Variants in CAMK1D observed in about 807,000 individuals in gnomAD.
CAMK1D encodes the protein calcium/calmodulin dependent protein kinase ID, also known as calcium/calmodulin-dependent protein kinase type 1D.
CAMK1D carries 9 observed loss-of-function variants against 47.7 expected under a neutral mutation model. The observed-to-expected ratio is 0.19, with a 90% CI of 0.11 to 0.33. CAMK1D has a LOEUF of 0.33. CAMK1D is among the 10% of genes least tolerant of loss of function. CAMK1D has a pLI of 1.00. For synonymous variants in CAMK1D, 184 were observed against 184.9 expected (o/e 0.99, Z 0.04); for missense variants, 291 against 488.7 (o/e 0.60, Z 3.81).
intron 4 of CAMK1D, 135 bp downstream of exon 4, chr10:12,761,221 A>C: frequency 9.4e-7 from 1 of 1,064,418 alleles, no homozygotes; most frequent in Non-Finnish European, 1.3e-6. Context: ...GCATTTGTGT[A>C]CTTTGAGTTG....
chr10:12,806,886 G>A (rs1306656184), intron 6 of CAMK1D, among the ~76,000 whole-genome samples: 3 of 151,996 alleles, frequency 2.0e-5, no homozygotes, highest in Non-Finnish European at 4.4e-5. Context: ...GGGACTTTGG[G>A]GCTGTGGCGG....
intron 1 of CAMK1D, among the ~76,000 whole-genome samples, chr10:12,494,522 A>AT (rs1308492355): frequency 6.6e-6 from 1 of 152,074 alleles, no homozygotes. Flanking sequence ...AAAGCCAGAT[A>AT]TTTTTGTGTC....
chr10:12,448,768 A>T (rs987248665), intron 1 of CAMK1D, among the ~76,000 whole-genome samples: 9 of 152,240 alleles, frequency 5.9e-5, no homozygotes, highest in African/African-American at 1.9e-4. Context: ...AGAAGAAATT[A>T]TCCCCGGACC....
intron 2 of CAMK1D, 67 bp downstream of exon 2, chr10:12,553,423 G>T: frequency 7.3e-7 from 1 of 1,368,454 alleles, no homozygotes; most frequent in Non-Finnish European, 1.0e-6. Flanking sequence ...CAGGAGTCCT[G>T]CCCCGGAGGC....
At chr10:12,594,047 A>T (rs143869484) in intron 2 of CAMK1D, among the ~76,000 whole-genome samples, 3 of 152,002 alleles carry the variant, frequency 2.0e-5, no homozygotes. Flanking sequence ...GTGGTGGCAC[A>T]TGCCTGTAAT....
intron 1 of CAMK1D, among the ~76,000 whole-genome samples, chr10:12,397,211 G>C (rs1838994601): frequency 6.6e-6 from 1 of 152,118 alleles, no homozygotes; most frequent in Non-Finnish European, 1.5e-5. Context: ...TTTCCATCAT[G>C]TGCCTGTTTT....
At chr10:12,465,527 G>A (rs2132063374) in intron 1 of CAMK1D, among the ~76,000 whole-genome samples, 1 of 152,156 alleles carries the variant, frequency 6.6e-6, no homozygotes, top group African/African-American at 2.4e-5. Flanking sequence ...TCTAATTTTT[G>A]TATTTTTAGT....
At chr10:12,381,317 A>T (rs1459517170) in intron 1 of CAMK1D, among the ~76,000 whole-genome samples, 1 of 151,418 alleles carries the variant, frequency 6.6e-6, no homozygotes, top group East Asian at 1.9e-4. Context: ...AAAATGTCGG[A>T]AGGACTAGAA....
intron 1 of CAMK1D, among the ~76,000 whole-genome samples, chr10:12,545,750 C>T (rs529865803): frequency 9.5e-5 from 14 of 146,960 alleles, no homozygotes; most frequent in African/African-American, 1.3e-4. Flanking sequence ...CAGTGAGCCA[C>T]GATGGCAGCA....
At chr10:12,732,134 A>G (rs960772175) in intron 3 of CAMK1D, among the ~76,000 whole-genome samples, 4 of 152,112 alleles carry the variant, frequency 2.6e-5, no homozygotes, top group South Asian at 2.1e-4. Flanking sequence ...CCAACTACTC[A>G]GGAGGCTGAG....
At chr10:12,408,635 A>C (rs1008068478) in intron 1 of CAMK1D, among the ~76,000 whole-genome samples, 1 of 151,884 alleles carries the variant, frequency 6.6e-6, no homozygotes, top group African/African-American at 2.4e-5. Flanking sequence ...GGGGTGGTTC[A>C]GGTTCAGGTG....
intron 6 of CAMK1D, among the ~76,000 whole-genome samples, chr10:12,798,332 C>T (rs1290976719): frequency 6.6e-6 from 1 of 152,210 alleles, no homozygotes; most frequent in Non-Finnish European, 1.5e-5. Flanking sequence ...ATGTGTCAGG[C>T]AGTGTGATGG....
chr10:12,394,028 A>T (rs190553417), intron 1 of CAMK1D, among the ~76,000 whole-genome samples: 2 of 152,230 alleles, frequency 1.3e-5, no homozygotes, highest in Non-Finnish European at 2.9e-5. Flanking sequence ...TTCAGACGCC[A>T]GTCACAAGTC....
chr10:12,539,292 T>C (rs1300235340), intron 1 of CAMK1D, among the ~76,000 whole-genome samples: 1 of 152,168 alleles, frequency 6.6e-6, no homozygotes, highest in Non-Finnish European at 1.5e-5. Context: ...TTAAAGAGTG[T>C]ATTGATGTGT....
At chr10:12,772,599 T>C (rs1837089682) in intron 5 of CAMK1D, among the ~76,000 whole-genome samples, 1 of 152,206 alleles carries the variant, frequency 6.6e-6, no homozygotes, top group Admixed American at 6.5e-5. Flanking sequence ...GTGGCTGCCA[T>C]CTGCGGGGTC....
intron 5 of CAMK1D, among the ~76,000 whole-genome samples, chr10:12,790,029 C>T (rs890218722): frequency 6.6e-6 from 1 of 152,242 alleles, no homozygotes; most frequent in African/African-American, 2.4e-5. Flanking sequence ...TGGGCGATGG[C>T]CACAGGCCAG....
At chr10:12,443,820 G>A (rs1832854454) in intron 1 of CAMK1D, among the ~76,000 whole-genome samples, 1 of 152,070 alleles carries the variant, frequency 6.6e-6, no homozygotes, top group African/African-American at 2.4e-5. Context: ...AGTAGAGACG[G>A]AGTTTCACCA....
chr10:12,522,988 T>C (rs35561850), intron 1 of CAMK1D, among the ~76,000 whole-genome samples: 29,907 of 69,122 alleles, frequency 0.43, 13,204 homozygotes, highest in South Asian at 0.56. Flanking sequence ...CCCTCCCAGA[T>C]GGGGTGGCTG....
chr10:12,780,001 T>A (rs1837421786), intron 5 of CAMK1D, among the ~76,000 whole-genome samples: 1 of 152,248 alleles, frequency 6.6e-6, no homozygotes, highest in African/African-American at 2.4e-5. Context: ...AAAGCCACGA[T>A]AGATATCTTT....
Sources: allele counts gnomAD v4.1 joint callset (sites outside exome capture counted in the v4.1 genomes callset), GRCh38; gene constraint gnomAD v4.1.1; transcripts MANE v1.5; gene names NCBI Gene and HGNC (gene_info 2026-07-23, HGNC 2026-07-21).